The following METAP1 variants were observed in gnomAD, a reference collection of about 807,000 sequenced individuals.
METAP1 encodes the protein methionine aminopeptidase 1.
A neutral mutation model predicts 53.8 loss-of-function variants in METAP1; 28 were observed. The ratio of observed to expected loss-of-function variants is 0.52; its 90% CI spans 0.39 to 0.71. The LOEUF (loss-of-function observed/expected upper bound fraction) is 0.71, where lower values mean the gene tolerates loss of function less well. Ranked by LOEUF, METAP1 falls within the 30% of genes least tolerant of loss-of-function variation. METAP1 has a pLI of 0.00. For missense variants in METAP1, 389 were observed against 479.8 expected (o/e 0.81, Z 1.77); for synonymous variants, 181 against 165.7 (o/e 1.09, Z -0.71).
At chr4:99,002,577 T>C (rs1376734171) in intron 1 of METAP1, among the ~76,000 whole-genome samples, 1 of 152,310 alleles carries the variant, frequency 6.6e-6, no homozygotes, top group East Asian at 1.9e-4. Flanking sequence ...GAGGCCTGCC[T>C]TTCTCATTGT....
rs542527310 is a variant in METAP1 at position 99,037,820 on chromosome 4, G to A, written c.341-1554G>A. On this transcript the variant is annotated intron_variant, in intron 4 of 10. Transcript: ENST00000296411. The stretch of plus-strand genomic sequence containing the variant: ...TTTTTCCATGTGAAATTTAGAATCA[G>A]CTTGTCTGGTTCTCAAAATTATCCT... 1.2e-4 allele frequency: 18 copies of A among 151,970 alleles called. 1 individual carries two copies. In the South Asian group the frequency reaches 2.3e-3, roughly 19 times the overall value. The allele number at this position is 151,970 out of a possible 1,614,324, so 9.4% of individuals were successfully genotyped here.
chr4:99,031,718 C>G (rs1725047324), intron 2 of METAP1: 2 of 705,954 alleles, frequency 2.8e-6, no homozygotes, highest in African/African-American at 1.8e-5. Context: ...GAATTTTGAT[C>G]AGAAAATCCT....
At chr4:99,028,721 A>G in intron 1 of METAP1, 146 bp from the exon 2 acceptor site, 2 of 513,198 alleles carry the variant, frequency 3.9e-6, no homozygotes, top group Non-Finnish European at 6.8e-6. Flanking sequence ...TCATTTCTTA[A>G]GCTTTTCCCA....
At chr4:99,012,652 GTTTTT>G (rs78437310) in intron 1 of METAP1, among the ~76,000 whole-genome samples, 6 of 90,386 alleles carry the variant, frequency 6.6e-5, no homozygotes, top group South Asian at 5.6e-4. Context: ...ATCCCATAAA[GTTTTT>G]TTTTTTTTTT....
chr4:99,051,274 TCAG>T (rs765693439), intron 9 of METAP1, among the ~76,000 whole-genome samples: 38 of 152,230 alleles, frequency 2.5e-4, no homozygotes, highest in Non-Finnish European at 4.9e-4. Flanking sequence ...GGTTATAGTG[TCAG>T]CAAAATATGT....
chr4:98,999,472 T>G (rs1439791218), intron 1 of METAP1, among the ~76,000 whole-genome samples: 1 of 149,980 alleles, frequency 6.7e-6, no homozygotes, highest in African/African-American at 2.5e-5. Context: ...CTGTTTTATG[T>G]TTAGGAAAGT....
rs1722919625 is a variant in METAP1, at chr4:99,001,399, G to GA, written c.114+5534dup. ...TTGTAGAAAAATAGAAAATATGTGT[G>GA]AAGATAATCAATTACCCAGAGATGA... On this transcript the variant is annotated intron_variant, in intron 1 of 10. Coordinates refer to ENST00000296411, the MANE Select transcript of METAP1 (RefSeq NM_015143.3). Among the ~76,000 whole-genome samples the GA allele has an allele frequency of 2.0e-5, 3 of 152,202 alleles. No homozygotes were observed. The South Asian group carries it at 6.2e-4, about 31-fold the overall frequency.
rs1228126913 is a variant in METAP1, at chr4:99,028,871, G to A, written c.119G>A (p.Cys40Tyr). The change falls in exon 2 of 11, where the codon TGT becomes TAT. Residue 40 changes from cysteine to tyrosine, a missense_variant. Cys to Tyr is a radical substitution (Grantham distance 194, BLOSUM62 -2). Coordinates refer to ENST00000296411, the MANE Select transcript of METAP1 (RefSeq NM_015143.3). Reference protein sequence around the residue: ...IQGSYFCSQECFKGSWATHKL... With the variant: ...IQGSYFCSQEYFKGSWATHKL... The stretch of plus-strand genomic sequence containing the variant: ...TTTCCTTTTTTGTTCTTTTAGGAAT[G>A]TTTTAAAGGAAGTTGGGCTACTCAC... The A allele has an allele frequency of 6.5e-7, 1 of 1,541,106 alleles. No individual in the cohort carries two copies. The highest frequency in any genetic ancestry group is 8.8e-7 in the Non-Finnish European group (1 of 1,140,698).
At chr4:99,014,351 C>T (rs1428824007) in intron 1 of METAP1, among the ~76,000 whole-genome samples, 1 of 152,198 alleles carries the variant, frequency 6.6e-6, no homozygotes, top group African/African-American at 2.4e-5. Context: ...CAAACACCAC[C>T]TTTCTCAGCT....
At chr4:98,995,974 C>T (rs1579220817) in intron 1 of METAP1, 107 bp downstream of exon 1, 3 of 884,712 alleles carry the variant, frequency 3.4e-6, no homozygotes, top group East Asian at 6.0e-5. Context: ...CGCTCCTCCT[C>T]TTCCCCCCGG....
At chr4:99,053,746 T>C (rs998597088) in intron 9 of METAP1, among the ~76,000 whole-genome samples, 1 of 152,182 alleles carries the variant, frequency 6.6e-6, no homozygotes, top group Admixed American at 6.5e-5. Context: ...TTAGCAAGCA[T>C]GAAACCAACA....
chr4:99,026,268 TAA>T (rs1417373802), intron 1 of METAP1: 2 of 985,260 alleles, frequency 2.0e-6, no homozygotes, highest in Non-Finnish European at 2.4e-6. Context: ...GATTGAAAAC[TAA>T]AGTTTTACCT....
intron 1 of METAP1, among the ~76,000 whole-genome samples, chr4:99,022,014 C>T (rs1406217717): frequency 6.6e-6 from 1 of 152,174 alleles, no homozygotes; most frequent in African/African-American, 2.4e-5. Context: ...AAGGCCCTTC[C>T]TGGGGGCAGG....
chr4:99,034,595 T>C lies in METAP1; in HGVS notation c.279+253T>C, dbSNP rs115240993. Among the ~76,000 whole-genome samples, 539 of 152,160 alleles carry C rather than the reference T, an allele frequency of 3.5e-3. 2 individuals carry two copies. The highest frequency in any genetic ancestry group is 0.012 in the African/African-American group (515 of 41,516). ...AGTGTAGGGTAAGGTAGAATAGATA[T>C]TTTGTTGCTGGCATGATGGTAGTGT... On this transcript the variant is annotated intron_variant, in intron 3 of 10. Coordinates refer to ENST00000296411, the MANE Select transcript of METAP1 (RefSeq NM_015143.3).
At chr4:99,036,050 T>C (rs1437824023) in intron 4 of METAP1, 2 of 154,362 alleles carry the variant, frequency 1.3e-5, no homozygotes, top group African/African-American at 4.8e-5. Flanking sequence ...TAGATAATGA[T>C]ACTGAGACAC....
At position 99,002,603 on chromosome 4, in the gene METAP1, T is replaced by G. The variant is rs77324850; in HGVS notation, c.114+6736T>G. On this transcript the variant is annotated intron_variant, in intron 1 of 10. Coordinates refer to ENST00000296411, the MANE Select transcript of METAP1 (RefSeq NM_015143.3). ...TTCTCATTGTGTGTGCATGTGTGTG[T>G]GGGGCACCTTATGGATGAAACTAGG... 5.0e-3 allele frequency among the ~76,000 whole-genome samples: 766 copies of G among 152,320 alleles called. 5 individuals carry two copies. The highest frequency in any genetic ancestry group is 0.014 in the South Asian group (70 of 4,830).
chr4:99,022,243 G>T, intron 1 of METAP1: 1 of 460,200 alleles, frequency 2.2e-6, no homozygotes, highest in Non-Finnish European at 3.5e-6. Flanking sequence ...GGGTAGTCAT[G>T]ATCATTCTAT....
At chr4:99,050,737 T>C (rs895280118) in intron 9 of METAP1, among the ~76,000 whole-genome samples, 1 of 152,124 alleles carries the variant, frequency 6.6e-6, no homozygotes, top group African/African-American at 2.4e-5. Context: ...GGGATCTAGG[T>C]TGCGCACTCC....
At chr4:99,004,446 TAC>T (rs1189663861) in intron 1 of METAP1, among the ~76,000 whole-genome samples, 4,918 of 79,906 alleles carry the variant, frequency 0.062, 163 homozygotes, top group African/African-American at 0.11. Context: ...TGTGGACAGA[TAC>T]ACACACACAC....
Sources: gnomAD v4.1 joint callset for allele counts (sites outside exome capture counted in the v4.1 genomes callset) on GRCh38, gnomAD v4.1.1 for gene constraint, MANE v1.5 for transcripts, NCBI Gene and HGNC (gene_info 2026-07-23, HGNC 2026-07-21) for gene names.